Variants in WDPCP observed in about 807,000 individuals in gnomAD.
WDPCP encodes the protein WD repeat containing planar cell polarity effector, also known as WD repeat-containing and planar cell polarity effector protein fritz homolog.
WDPCP carries 71 observed loss-of-function variants against 93.1 expected under a neutral mutation model. The ratio of observed to expected loss-of-function variants is 0.76; its 90% CI spans 0.63 to 0.93. The LOEUF is 0.93. Ranked by LOEUF, WDPCP falls within the 40% of genes least tolerant of loss-of-function variation. WDPCP has a pLI of 0.00. For synonymous variants in WDPCP, 315 were observed against 315.0 expected (o/e 1.00, Z 0.00); for missense variants, 844 against 887.4 (o/e 0.95, Z 0.62).
intron 17 of WDPCP, among the ~76,000 whole-genome samples, chr2:63,133,977 C>G (rs1670453633): frequency 6.6e-6 from 1 of 152,128 alleles, no homozygotes. Context: ...GTTATTTAGT[C>G]ACTGTATAGT....
chr2:63,745,691 C>G (rs1282046087), intron 2 of WDPCP, among the ~76,000 whole-genome samples: 1 of 151,996 alleles, frequency 6.6e-6, no homozygotes, highest in Non-Finnish European at 1.5e-5. Context: ...CTTATTTGCT[C>G]CCTTTCTCTG....
Position 63,769,169 on chromosome 2 carries a change from C to T in WDPCP, n.308+44453G>A, listed in dbSNP as rs1388142439. Among the ~76,000 whole-genome samples the T allele has an allele frequency of 4.0e-5, 6 of 151,832 alleles. No homozygotes were observed. In the East Asian group the frequency reaches 1.2e-3, roughly 29 times the overall value. ...CTGTAGGCTTTCTTATTATTCATAG[C>T]TCAAGGTTGTTGGGGAAAAAAATGA... On this transcript the variant is annotated intron_variant and non_coding_transcript_variant, in intron 2 of 4. Coordinates refer to the WDPCP transcript ENST00000467687.
At chr2:63,519,898 A>G (rs1231573971) in intron 1 of WDPCP, among the ~76,000 whole-genome samples, 3 of 152,202 alleles carry the variant, frequency 2.0e-5, no homozygotes, top group Admixed American at 6.5e-5. Context: ...AGCTAAAATG[A>G]CAGATACAGA....
At chr2:63,263,402 G>C (rs1681821961) in intron 13 of WDPCP, among the ~76,000 whole-genome samples, 2 of 152,198 alleles carry the variant, frequency 1.3e-5, no homozygotes, top group Non-Finnish European at 2.9e-5. Context: ...TATCACAGGA[G>C]TGGGTTAGTT....
At chr2:63,276,133 A>G (rs1210707404) in intron 13 of WDPCP, among the ~76,000 whole-genome samples, 3 of 152,272 alleles carry the variant, frequency 2.0e-5, no homozygotes, top group East Asian at 3.9e-4. Context: ...AGCAAAAACA[A>G]TCACTGCAGT....
chr2:63,805,455 C>A (rs1670750737), intron 2 of WDPCP, among the ~76,000 whole-genome samples: 1 of 152,168 alleles, frequency 6.6e-6, no homozygotes, highest in African/African-American at 2.4e-5. Flanking sequence ...AAATCAGACC[C>A]CAGAACAGAA....
In WDPCP at chr2:63,275,311, T is replaced by C. The variant is rs1029217178; in HGVS notation, c.1813-15902A>G. ...ACCTCAATATAATAAAGGCCATATA[T>C]GAAAAACAGACAGCTAGCATCATAC... On this transcript the variant is annotated intron_variant, in intron 13 of 17. Transcript: ENST00000272321. 3.3e-5 allele frequency among the ~76,000 whole-genome samples: 5 copies of C among 152,092 alleles called. No homozygotes were observed. In the East Asian group the frequency reaches 9.6e-4, roughly 29 times the overall value.
intron 17 of WDPCP, among the ~76,000 whole-genome samples, chr2:63,149,691 C>G (rs1367517401): frequency 6.6e-6 from 1 of 152,100 alleles, no homozygotes; most frequent in Admixed American, 6.5e-5. Flanking sequence ...GTCAGCATGG[C>G]TATATTCAAA....
At chr2:63,783,726 C>G (rs7569701) in intron 2 of WDPCP, among the ~76,000 whole-genome samples, 1 of 152,068 alleles carries the variant, frequency 6.6e-6, no homozygotes, top group Non-Finnish European at 1.5e-5. Context: ...ATGTGTACAC[C>G]TTGGCATAAA....
At chr2:63,236,490 A>G (rs1679403689) in intron 14 of WDPCP, among the ~76,000 whole-genome samples, 1 of 152,184 alleles carries the variant, frequency 6.6e-6, no homozygotes, top group Admixed American at 6.6e-5. Context: ...CAAAATTCAC[A>G]TGGAATTTAA....
At chr2:63,238,147 A>C (rs967255907) in intron 14 of WDPCP, among the ~76,000 whole-genome samples, 2 of 152,282 alleles carry the variant, frequency 1.3e-5, no homozygotes, top group Non-Finnish European at 2.9e-5. Context: ...ACAGCTATTA[A>C]TAACTATTAG....
chr2:63,196,102 G>A (rs924325612), intron 14 of WDPCP, among the ~76,000 whole-genome samples: 1 of 152,206 alleles, frequency 6.6e-6, no homozygotes, highest in Non-Finnish European at 1.5e-5. Context: ...TGATTCTTGT[G>A]TATTTTTCAT....
At chr2:63,657,290 C>T (rs1052480585) in intron 2 of WDPCP, among the ~76,000 whole-genome samples, 2 of 149,728 alleles carry the variant, frequency 1.3e-5, no homozygotes, top group African/African-American at 4.9e-5. Flanking sequence ...CTGCAAGCTC[C>T]GCCTCCTGGG....
intron 1 of WDPCP, among the ~76,000 whole-genome samples, chr2:63,548,464 A>C (rs1301228007): frequency 6.6e-6 from 1 of 152,214 alleles, no homozygotes; most frequent in Non-Finnish European, 1.5e-5. Context: ...GCAATCAGAA[A>C]AAAAAAATCA....
intron 6 of WDPCP, among the ~76,000 whole-genome samples, chr2:63,450,846 G>A (rs1045301593): frequency 2.0e-5 from 3 of 150,518 alleles, no homozygotes; most frequent in Admixed American, 1.3e-4. Flanking sequence ...TCAGGAAAAA[G>A]TCATCCCCTA....
chr2:63,622,391 A>G, intron 3 of WDPCP: 1 of 1,612,166 alleles, frequency 6.2e-7, no homozygotes. Context: ...ACTGGGCAAG[A>G]CCAAATTCCT....
At chr2:63,217,281 T>C (rs1298596357) in intron 14 of WDPCP, among the ~76,000 whole-genome samples, 2 of 152,252 alleles carry the variant, frequency 1.3e-5, no homozygotes, top group African/African-American at 2.4e-5. Context: ...ATTATTCATT[T>C]ATCTATCATC....
intron 3 of WDPCP, among the ~76,000 whole-genome samples, chr2:63,647,739 T>C (rs1235742981): frequency 6.6e-6 from 1 of 152,186 alleles, no homozygotes; most frequent in African/African-American, 2.4e-5. Flanking sequence ...TTTTGCAAGA[T>C]GTAACCACTG....
At chr2:63,616,286 G>T (rs1276377351) in intron 3 of WDPCP, among the ~76,000 whole-genome samples, 7 of 152,062 alleles carry the variant, frequency 4.6e-5, no homozygotes. Flanking sequence ...CTCACAAAGG[G>T]AATTATAAAT....
Sources: allele counts gnomAD v4.1 joint callset (sites outside exome capture counted in the v4.1 genomes callset), GRCh38; gene constraint gnomAD v4.1.1; transcripts MANE v1.5; gene names NCBI Gene and HGNC (gene_info 2026-07-23, HGNC 2026-07-21).